The following SNTB2 variants were observed in gnomAD, a reference collection of about 807,000 sequenced individuals.
SNTB2 encodes the protein beta-2-syntrophin.
A neutral mutation model predicts 46.2 loss-of-function variants in SNTB2; 34 were observed. That is an observed-to-expected ratio of 0.74 (90% confidence interval 0.56 to 0.98). The LOEUF is 0.98. Among genes scored for constraint, SNTB2 ranks in the 50% least tolerant of loss-of-function variants. SNTB2 has a pLI of 0.00. For missense variants in SNTB2, 603 were observed against 731.4 expected, an observed-to-expected ratio of 0.82 and a Z score of 2.02; for synonymous variants, 290 against 312.6, an observed-to-expected ratio of 0.93 and a Z score of 0.76.
chr16:69,187,773 G>GGGGGGGGGGGGGGGGGGGGGGGGGGCC, intron 1 of SNTB2, 27 bp downstream of exon 1: 1 of 331,854 alleles, frequency 3.0e-6, no homozygotes, highest in Non-Finnish European at 5.5e-6. Flanking sequence ...GGGAGGGTGG[G>GGGGGGGGGGGGGGGGGGGGGGGGGGCC]CAGGCCGCGG....
chr16:69,302,660 C>T lies in SNTB2; in HGVS notation c.*1736C>T, dbSNP rs1175584208. On this transcript the variant is annotated 3_prime_UTR_variant, in exon 7 of 7. Coordinates refer to ENST00000336278, the MANE Select transcript of SNTB2 (RefSeq NM_006750.4). Reference sequence around the variant, plus strand: ...CCATTGTCCTCCTTCACCCATAAGTCAGTCCTCCTTCCTCATTACAGTGAA... The same window carrying T: ...CCATTGTCCTCCTTCACCCATAAGTTAGTCCTCCTTCCTCATTACAGTGAA... 1 of 152,220 alleles carries T rather than the reference C, an allele frequency of 6.6e-6. No homozygotes were observed. Among genetic ancestry groups the T allele is most frequent in the Non-Finnish European group, 1.5e-5 (1 of 68,050 alleles). The allele number at this position is 152,220 out of a possible 1,614,324, so 9.4% of individuals were successfully genotyped here. A position where few individuals can be genotyped will look rare whatever the true frequency, so the allele number is the denominator to read the frequency against.
At chr16:69,282,885 T>C (rs901318573) in intron 4 of SNTB2, among the ~76,000 whole-genome samples, 2 of 152,242 alleles carry the variant, frequency 1.3e-5, no homozygotes, top group Non-Finnish European at 1.5e-5. Flanking sequence ...CAAATTTCAA[T>C]TGTTCAAAGC....
intron 4 of SNTB2, among the ~76,000 whole-genome samples, chr16:69,278,948 C>T (rs1250781960): frequency 1.4e-5 from 2 of 145,962 alleles, no homozygotes; most frequent in Admixed American, 6.8e-5. Flanking sequence ...AAACTCATAA[C>T]GTGTGCTCGC....
chr16:69,260,309 A>G, intron 3 of SNTB2, 49 bp downstream of exon 3: 1 of 1,544,712 alleles, frequency 6.5e-7, no homozygotes, highest in African/African-American at 1.4e-5. Flanking sequence ...ATTCAGTGCC[A>G]GGATGGTTCC....
At chr16:69,254,344 A>G (rs1418067020) in intron 2 of SNTB2, among the ~76,000 whole-genome samples, 1 of 152,184 alleles carries the variant, frequency 6.6e-6, no homozygotes, top group Non-Finnish European at 1.5e-5. Flanking sequence ...GGATTCTCCA[A>G]CATGGATTGG....
At chr16:69,229,195 A>G (rs1964483929) in intron 1 of SNTB2, among the ~76,000 whole-genome samples, 1 of 152,164 alleles carries the variant, frequency 6.6e-6, no homozygotes, top group African/African-American at 2.4e-5. Context: ...ATTTAGTGAC[A>G]GGATCTCACT....
intron 1 of SNTB2, among the ~76,000 whole-genome samples, chr16:69,214,114 C>A (rs1026610830): frequency 6.7e-6 from 1 of 150,036 alleles, no homozygotes; most frequent in Non-Finnish European, 1.5e-5. Flanking sequence ...TGAGCCACCA[C>A]GCCCAGCCTT....
At chr16:69,281,747 A>G (rs570024274) in intron 4 of SNTB2, among the ~76,000 whole-genome samples, 3 of 140,676 alleles carry the variant, frequency 2.1e-5, no homozygotes, top group African/African-American at 7.4e-5. Flanking sequence ...GGAGACTAAG[A>G]CAGGAGAATC....
At chr16:69,283,550 T>C (rs1965070663) in intron 4 of SNTB2, among the ~76,000 whole-genome samples, 1 of 152,242 alleles carries the variant, frequency 6.6e-6, no homozygotes, top group South Asian at 2.1e-4. Context: ...AAAATATATA[T>C]ATTTTAAGCT....
chr16:69,290,053 G>A (rs1597202592), intron 5 of SNTB2, among the ~76,000 whole-genome samples: 1 of 152,324 alleles, frequency 6.6e-6, no homozygotes, highest in East Asian at 1.9e-4. Context: ...ACATGTCAAT[G>A]AATACCTACA....
chr16:69,279,969 A>G (rs987923365), intron 4 of SNTB2, among the ~76,000 whole-genome samples: 1 of 152,024 alleles, frequency 6.6e-6, no homozygotes, highest in African/African-American at 2.4e-5. Flanking sequence ...TAAACAAGTG[A>G]ACAAAGGTCT....
rs114029538 is a variant in SNTB2 at position 69,292,892 on chromosome 16, C to T, written c.1346-6698C>T. On this transcript the variant is annotated intron_variant, in intron 5 of 6. Coordinates refer to ENST00000336278, the MANE Select transcript of SNTB2 (RefSeq NM_006750.4). ...TATGTTTTATACTTAACAACATCCC[C>T]GTGGTGTGAAAAAGCCAGTGCCTCA... 1.1e-3 allele frequency among the ~76,000 whole-genome samples: 164 copies of T among 152,098 alleles called. 1 individual carries two copies. The highest frequency in any genetic ancestry group is 5.6e-3 in the Admixed American group (85 of 15,244).
chr16:69,272,774 C>T (rs1315385418), intron 4 of SNTB2, among the ~76,000 whole-genome samples: 4 of 151,186 alleles, frequency 2.6e-5, no homozygotes, highest in East Asian at 1.9e-4. Flanking sequence ...GACTATAATC[C>T]CAGCTACTTG....
At chr16:69,245,237 C>T (rs756210300) in intron 1 of SNTB2, among the ~76,000 whole-genome samples, 4 of 152,080 alleles carry the variant, frequency 2.6e-5, no homozygotes, top group African/African-American at 4.8e-5. Context: ...CTTGCTCTGT[C>T]GCCCAGGCTG....
intron 2 of SNTB2, among the ~76,000 whole-genome samples, chr16:69,253,989 G>A (rs1347157798): frequency 6.6e-6 from 1 of 152,134 alleles, no homozygotes; most frequent in African/African-American, 2.4e-5. Flanking sequence ...AGTAGGAGGA[G>A]TGAAGGAAAT....
rs1330180765 is a variant in SNTB2 at position 69,307,006 on chromosome 16, A to T, written c.*6082A>T. The stretch of plus-strand genomic sequence containing the variant: ...CTAAGTCCCTTTCTCAGTTTGCAAT[A>T]ATCTTACGTCCATGCTATTGACACT... On this transcript the variant is annotated 3_prime_UTR_variant, in exon 7 of 7. Coordinates refer to ENST00000336278, the MANE Select transcript of SNTB2 (RefSeq NM_006750.4). 6.6e-6 allele frequency: 1 copy of T among 152,214 alleles called. No homozygotes were observed. Among genetic ancestry groups the T allele is most frequent in the East Asian group, 1.9e-4 (1 of 5,196 alleles). The allele number at this position is 152,214 out of a possible 1,614,324, so 9.4% of individuals were successfully genotyped here.
chr16:69,263,649 C>T (rs886681122), intron 3 of SNTB2, among the ~76,000 whole-genome samples: 5 of 151,838 alleles, frequency 3.3e-5, no homozygotes, highest in Admixed American at 6.6e-5. Flanking sequence ...AACTCCTGAC[C>T]TCAAGTGATC....
rs1965292361 is a variant in SNTB2 at position 69,303,435 on chromosome 16, A to G, written c.*2511A>G. ...CTGAGCCACCCTGCTTGTTGGTTAT[A>G]TGAGGATGTAAAATAGGTGGAATTA... is the stretch of plus-strand genomic sequence containing the variant. On this transcript the variant is annotated 3_prime_UTR_variant, in exon 7 of 7. Transcript: ENST00000336278. 1 of 152,314 alleles carries G rather than the reference A, an allele frequency of 6.6e-6. No homozygotes were observed. Among genetic ancestry groups the G allele is most frequent in the Non-Finnish European group, 1.5e-5 (1 of 68,040 alleles). 9.4% of individuals were successfully genotyped at this position (152,314 alleles called of 1,614,324 possible). A position where few individuals can be genotyped will look rare whatever the true frequency, so the allele number is the denominator to read the frequency against.
intron 2 of SNTB2, among the ~76,000 whole-genome samples, chr16:69,258,471 T>C (rs1390128186): frequency 6.6e-6 from 1 of 152,098 alleles, no homozygotes; most frequent in Non-Finnish European, 1.5e-5. Flanking sequence ...TGAGCATTAA[T>C]ACAGAACAGT....
Sources: gnomAD v4.1 joint callset for allele counts (sites outside exome capture counted in the v4.1 genomes callset) on GRCh38, gnomAD v4.1.1 for gene constraint, MANE v1.5 for transcripts, NCBI Gene and HGNC (gene_info 2026-07-23, HGNC 2026-07-21) for gene names.